The following SPATA31E1 variants were observed in gnomAD, a reference collection of about 807,000 sequenced individuals.
The protein encoded by SPATA31E1 is SPATA31 subfamily E member 1, also known as spermatogenesis-associated protein 31E1.
In SPATA31E1, 7 loss-of-function variants were observed where a neutral mutation model predicts 12.9. The ratio of observed to expected loss-of-function variants is 0.54; its 90% CI spans 0.31 to 1.02. SPATA31E1 has a LOEUF of 1.02. Ranked by LOEUF, SPATA31E1 falls within the 50% of genes least tolerant of loss-of-function variation. SPATA31E1 has a pLI of 0.05. For synonymous variants in SPATA31E1, 771 were observed against 719.0 expected (o/e 1.07, Z -1.16); for missense variants, 1,961 against 1,799.8 (o/e 1.09, Z -1.62).
At chr9:87,884,504 G>T (rs1828226869) in intron 2 of SPATA31E1, 87 bp from the exon 3 acceptor site, 4 of 1,387,468 alleles carry the variant, frequency 2.9e-6, no homozygotes, top group Non-Finnish European at 3.1e-6. Context: ...AGTCCCCCAT[G>T]GTGTCCCCTA....
In SPATA31E1 at chr9:87,885,668, T is replaced by G. The variant is rs755642872; in HGVS notation, c.1181T>G (p.Leu394Arg). 5.0e-6 allele frequency: 8 copies of G among 1,613,590 alleles called. No homozygotes were observed. Among genetic ancestry groups the G allele is most frequent in the South Asian group, 1.1e-5 (1 of 91,078 alleles). ...GCCGACCACCCGCACATGACATCAC[T>G]GGGGAAGGAGTGGGACATCACGACC... The part of the protein sequence containing the change: ...KRADHPHMTS[L>R]GKEWDITTLN... The change falls in exon 4 of 4, where the codon CTG (leucine) becomes CGG (arginine). Residue 394 changes from leucine (L) to arginine (R), a missense_variant. Transcript: ENST00000325643.
In SPATA31E1 at chr9:87,885,760, G is replaced by A; in HGVS notation, c.1273G>A (p.Ala425Thr). Reference protein sequence around the residue: ...QLPRPQQVSDATTVGNHLQQK... With the variant: ...QLPRPQQVSDTTTVGNHLQQK... The stretch of plus-strand genomic sequence containing the variant: ...GCCCCGTCCTCAGCAAGTCTCTGAT[G>A]CCACAACCGTGGGGAACCACTTACA... Residue 425 changes from alanine to threonine, a missense_variant, in exon 4 of 4, where the codon GCC becomes ACC. Transcript: ENST00000325643. The A allele has an allele frequency of 5.6e-6, 9 of 1,613,998 alleles. No homozygotes were observed. The highest frequency in any genetic ancestry group is 7.6e-6 in the Non-Finnish European group (9 of 1,180,040).
In SPATA31E1 at chr9:87,882,929, C is replaced by G; in HGVS notation, c.38C>G (p.Ala13Gly). The G allele has an allele frequency of 6.2e-7, 1 of 1,613,022 alleles. No individual in the cohort carries two copies. The highest frequency in any genetic ancestry group is 2.2e-5 in the East Asian group (1 of 44,858). The change falls in exon 1 of 4, where the codon GCA (alanine) becomes GGA (glycine). Residue 13 changes from alanine to glycine, a missense_variant. By Grantham distance (60) the Ala-to-Gly change is moderately conservative. Coordinates refer to ENST00000325643, the MANE Select transcript of SPATA31E1 (RefSeq NM_178828.5). Reference protein sequence around the residue: ...NLVIPLGKGRAGRVESGQRIP... With the variant: ...NLVIPLGKGRGGRVESGQRIP... ...GTCATCCCTCTAGGGAAGGGCAGGG[C>G]AGGCAGGGTTGAGAGTGGGCAGAGG...
At position 87,883,041 on chromosome 9, in the gene SPATA31E1, G is replaced by C; in HGVS notation, c.150G>C (p.Lys50Asn). Residue 50 changes from lysine (K) to asparagine (N), a missense_variant, in exon 1 of 4, where the codon AAG becomes AAC. Physicochemically the swap from Lys to Asn is moderately conservative, Grantham distance 94. Transcript: ENST00000325643. Reference sequence around the variant, plus strand: ...TGGAGAAAATGCTCTTTCCTCTGAAGAGCCCTAGTGCCACATGGCTGAGCC... The same window carrying C: ...TGGAGAAAATGCTCTTTCCTCTGAACAGCCCTAGTGCCACATGGCTGAGCC... The part of the protein sequence containing the change: ...LQMEKMLFPL[K>N]SPSATWLSPS... The C allele has an allele frequency of 6.2e-7, 1 of 1,613,722 alleles. No homozygotes were observed.
rs1828267030 is a variant in SPATA31E1, at chr9:87,886,134, C to T, written c.1647C>T (p.Tyr549=). The change falls in exon 4 of 4, where the codon TAC becomes TAT. Residue 549 remains tyrosine (Y), a synonymous_variant. Coordinates refer to ENST00000325643, the MANE Select transcript of SPATA31E1 (RefSeq NM_178828.5). The part of the protein sequence containing the change: ...PPQIRGCGAS[Y]PTSQERTQSV... Reference sequence around the variant, plus strand: ...AGATTAGGGGCTGTGGGGCATCTTACCCTACATCCCAGGAGAGGACACAGT... The same window carrying T: ...AGATTAGGGGCTGTGGGGCATCTTATCCTACATCCCAGGAGAGGACACAGT... The T allele has an allele frequency of 1.9e-6, 3 of 1,602,984 alleles. No homozygotes were observed. The highest frequency in any genetic ancestry group is 2.6e-6 in the Non-Finnish European group (3 of 1,173,452).
Position 87,885,073 on chromosome 9 carries a change from G to A in SPATA31E1, c.586G>A (p.Ala196Thr). 6.2e-7 allele frequency: 1 copy of A among 1,614,106 alleles called. No homozygotes were observed. Among genetic ancestry groups the A allele is most frequent in the South Asian group, 1.1e-5 (1 of 91,084 alleles). ...CAGCTTGTCCCCACCAGCTCCCCCA[G>A]CTCCTCTGGCCTCCACCCTGTCACC... Reference protein sequence around the residue: ...PASLSPPAPPAPLASTLSPGP... With the variant: ...PASLSPPAPPTPLASTLSPGP... The change falls in exon 4 of 4, where the codon GCT (alanine) becomes ACT (threonine). Residue 196 changes from alanine (A) to threonine (T), a missense_variant. Transcript: ENST00000325643.
Position 87,885,620 on chromosome 9 carries a change from G to C in SPATA31E1, c.1133G>C (p.Trp378Ser). The C allele has an allele frequency of 6.2e-7, 1 of 1,614,064 alleles. No homozygotes were observed. The highest frequency in any genetic ancestry group is 8.5e-7 in the Non-Finnish European group (1 of 1,180,032). ...LIAKRALMKM[W>S]QEKERKRADH... ...GCCAAGAGAGCACTGATGAAGATGTGGCAGGAGAAAGAAAGAAAACGGGCC... is the reference window on the plus strand; with the variant it reads ...GCCAAGAGAGCACTGATGAAGATGTCGCAGGAGAAAGAAAGAAAACGGGCC... Residue 378 changes from tryptophan (W) to serine (S), a missense_variant, in exon 4 of 4, where the codon TGG becomes TCG. Coordinates refer to ENST00000325643, the MANE Select transcript of SPATA31E1 (RefSeq NM_178828.5).
At position 87,888,010 on chromosome 9, in the gene SPATA31E1, G is replaced by A. The variant is rs200523037; in HGVS notation, c.3523G>A (p.Gly1175Arg). The A allele has an allele frequency of 5.6e-6, 9 of 1,613,144 alleles. No individual in the cohort carries two copies. Among genetic ancestry groups the A allele is most frequent in the Admixed American group, 5.0e-5 (3 of 59,976 alleles). ...GCCATGTGCCCTCCTATGGAAGGGAGGGGACAGTCCAGGGCAGCAGGAGCC... is the reference window on the plus strand; with the variant it reads ...GCCATGTGCCCTCCTATGGAAGGGAAGGGACAGTCCAGGGCAGCAGGAGCC... Reference protein sequence around the residue: ...QGPCALLWKGGDSPGQQEPGS... With the variant: ...QGPCALLWKGRDSPGQQEPGS... Residue 1175 changes from glycine (G) to arginine (R), a missense_variant, in exon 4 of 4, where the codon GGG (glycine) becomes AGG (arginine). Physicochemically the swap from Gly to Arg is moderately radical, Grantham distance 125 (BLOSUM62 -2). Transcript: ENST00000325643.
At chr9:87,884,292 T>C (rs968030451) in intron 2 of SPATA31E1, among the ~76,000 whole-genome samples, 1 of 152,210 alleles carries the variant, frequency 6.6e-6, no homozygotes, top group South Asian at 2.1e-4. Context: ...TCCAGGTCCA[T>C]GTGGACAGCT....
rs758158604 is a variant in SPATA31E1, at chr9:87,885,594, C to T, written c.1107C>T (p.Ile369=). The T allele has an allele frequency of 1.4e-5, 22 of 1,613,980 alleles. No individual in the cohort carries two copies. In the Middle Eastern group the frequency reaches 8.2e-4, roughly 60 times the overall value. ...TGCAGAAGCTGCTGGAGACCCTCAT[C>T]GCCAAGAGAGCACTGATGAAGATGT... ...PDVQKLLETL[I]AKRALMKMWQ... The change falls in exon 4 of 4, where the codon ATC becomes ATT. Residue 369 remains isoleucine, a synonymous_variant. Coordinates refer to ENST00000325643, the MANE Select transcript of SPATA31E1 (RefSeq NM_178828.5).
At position 87,884,015 on chromosome 9, in the gene SPATA31E1, G is replaced by A. The variant is rs1267584097; in HGVS notation, c.333G>A (p.Arg111=). The part of the protein sequence containing the change: ...SREPQRERSG[R]SRSRKISALK... Reference sequence around the variant, plus strand: ...AGCCTCAAAGGGAGAGAAGCGGGAGGTCCAGGAGCAGGAAGATCTCAGCTC... The same window carrying A: ...AGCCTCAAAGGGAGAGAAGCGGGAGATCCAGGAGCAGGAAGATCTCAGCTC... The change falls in exon 2 of 4, where the codon AGG becomes AGA. Residue 111 remains arginine (R), a synonymous_variant. Coordinates refer to ENST00000325643, the MANE Select transcript of SPATA31E1 (RefSeq NM_178828.5). 1 of 1,607,676 alleles carries A rather than the reference G, an allele frequency of 6.2e-7. No individual in the cohort carries two copies. Among genetic ancestry groups the A allele is most frequent in the Non-Finnish European group, 8.5e-7 (1 of 1,176,624 alleles).
rs148991923 is a variant in SPATA31E1, at chr9:87,887,668, C to A, written c.3181C>A (p.Gln1061Lys). 6.2e-7 allele frequency: 1 copy of A among 1,614,142 alleles called. No homozygotes were observed. The highest frequency in any genetic ancestry group is 8.5e-7 in the Non-Finnish European group (1 of 1,180,022). ...ASVRASSGSVQEDLRSTGALG... is the reference protein window; with the variant it reads ...ASVRASSGSVKEDLRSTGALG... Reference sequence around the variant, plus strand: ...TGTGAGGGCAAGTTCGGGAAGTGTTCAGGAGGATCTGAGGAGCACAGGGGC... The same window carrying A: ...TGTGAGGGCAAGTTCGGGAAGTGTTAAGGAGGATCTGAGGAGCACAGGGGC... Residue 1061 changes from glutamine (Q) to lysine (K), a missense_variant, in exon 4 of 4, where the codon CAG becomes AAG. Gln to Lys is a moderately conservative substitution (Grantham distance 53, BLOSUM62 1). Coordinates refer to ENST00000325643, the MANE Select transcript of SPATA31E1 (RefSeq NM_178828.5).
chr9:87,887,545 C>G lies in SPATA31E1; in HGVS notation c.3058C>G (p.Leu1020Val), dbSNP rs1432750526. The change falls in exon 4 of 4, where the codon CTC (leucine) becomes GTC (valine). Residue 1020 changes from leucine to valine, a missense_variant. Transcript: ENST00000325643. ...CTGTAGTAGCAGAGCCCTGCAAGTGCTCAGCATAGGGTCCCAGTGGGCAAG... is the reference window on the plus strand; with the variant it reads ...CTGTAGTAGCAGAGCCCTGCAAGTGGTCAGCATAGGGTCCCAGTGGGCAAG... ...DPCSSRALQV[L>V]SIGSQWARAE... 3.1e-6 allele frequency: 5 copies of G among 1,614,110 alleles called. No individual in the cohort carries two copies. Among genetic ancestry groups the G allele is most frequent in the Non-Finnish European group, 4.2e-6 (5 of 1,180,036 alleles).
chr9:87,886,890 CCA>C lies in SPATA31E1; in HGVS notation c.2406_2407del (p.His802GlnfsTer62). The C allele has an allele frequency of 1.2e-6, 2 of 1,614,108 alleles. No individual in the cohort carries two copies. The highest frequency in any genetic ancestry group is 1.7e-6 in the Non-Finnish European group (2 of 1,180,026). Reference sequence around the variant, plus strand: ...AATGTGCTGTTCCCAAGTCTGACACCCACAGGAAACCTGGGAAGCTGGCATCC... The same window carrying C: ...AATGTGCTGTTCCCAAGTCTGACACCCAGGAAACCTGGGAAGCTGGCATCC... ...AKCAVPKSDT[H>X]RKPGKLASWR... On this transcript the variant is annotated frameshift_variant, in exon 4 of 4. Transcript: ENST00000325643. LOFTEE classifies it low-confidence loss of function (END_TRUNC).
Position 87,885,633 on chromosome 9 carries a change from A to G in SPATA31E1, c.1146A>G (p.Glu382=). ...TGATGAAGATGTGGCAGGAGAAAGA[A>G]AGAAAACGGGCCGACCACCCGCACA... ...RALMKMWQEK[E]RKRADHPHMT... is the part of the protein sequence containing the mutation. Residue 382 remains glutamate (E), a synonymous_variant, in exon 4 of 4, where the codon GAA becomes GAG. Transcript: ENST00000325643. 3.7e-6 allele frequency: 6 copies of G among 1,613,942 alleles called. No individual in the cohort carries two copies. Among genetic ancestry groups the G allele is most frequent in the Non-Finnish European group, 5.1e-6 (6 of 1,180,022 alleles).
In SPATA31E1 at chr9:87,884,033, C is replaced by T. The variant is rs1206751712; in HGVS notation, c.351C>T (p.Ile117=). Residue 117 remains isoleucine (I), a synonymous_variant, in exon 2 of 4, where the codon ATC becomes ATT. Coordinates refer to ENST00000325643, the MANE Select transcript of SPATA31E1 (RefSeq NM_178828.5). ...GCGGGAGGTCCAGGAGCAGGAAGAT[C>T]TCAGCTCTGAAAGGTGAGGCTCTGC... ...ERSGRSRSRK[I]SALKACRILL... is the part of the protein sequence containing the mutation. 6.2e-7 allele frequency: 1 copy of T among 1,605,048 alleles called. No homozygotes were observed. Among genetic ancestry groups the T allele is most frequent in the Non-Finnish European group, 8.5e-7 (1 of 1,175,102 alleles).
chr9:87,883,169 C>T lies in SPATA31E1; in HGVS notation c.278C>T (p.Pro93Leu). 1 of 1,584,378 alleles carries T rather than the reference C, an allele frequency of 6.3e-7. No individual in the cohort carries two copies. Among genetic ancestry groups the T allele is most frequent in the Non-Finnish European group, 8.6e-7 (1 of 1,161,690 alleles). The change falls in exon 1 of 4, where the codon CCC becomes CTC. Residue 93 changes from proline (P) to leucine (L), a missense_variant. Physicochemically the swap from Pro to Leu is moderately conservative, Grantham distance 98. Transcript: ENST00000325643. The stretch of plus-strand genomic sequence containing the variant: ...TACGTCCACAGTGACCCACCCTCAC[C>T]CCCGCCCGGGAGGAAGAGGAGCAGC... ...LLYVHSDPPSPPPGRKRSSRE... is the reference protein window; with the variant it reads ...LLYVHSDPPSLPPGRKRSSRE...
At position 87,887,521 on chromosome 9, in the gene SPATA31E1, T is replaced by C. The variant is rs1197349632; in HGVS notation, c.3034T>C (p.Cys1012Arg). The C allele has an allele frequency of 6.2e-7, 1 of 1,613,940 alleles. No individual in the cohort carries two copies. The highest frequency in any genetic ancestry group is 8.5e-7 in the Non-Finnish European group (1 of 1,180,008). Residue 1012 changes from cysteine to arginine, a missense_variant, in exon 4 of 4, where the codon TGT (cysteine) becomes CGT (arginine). Coordinates refer to ENST00000325643, the MANE Select transcript of SPATA31E1 (RefSeq NM_178828.5). ...TGAGAGCATGTCCCCAGGAGACCCCTGTAGTAGCAGAGCCCTGCAAGTGCT... is the reference window on the plus strand; with the variant it reads ...TGAGAGCATGTCCCCAGGAGACCCCCGTAGTAGCAGAGCCCTGCAAGTGCT... ...ESESMSPGDP[C>R]SSRALQVLSI...
rs781711670 is a variant in SPATA31E1 at position 87,887,164 on chromosome 9, A to C, written c.2677A>C (p.Ile893Leu). Residue 893 changes from isoleucine to leucine, a missense_variant, in exon 4 of 4, where the codon ATT (isoleucine) becomes CTT (leucine). By Grantham distance (5) the Ile-to-Leu change is conservative (BLOSUM62 2). Transcript: ENST00000325643. ...GGTTGAATCTGTACCCAAGGTTCCC[A>C]TTTTCCTGGGAAAACGTCCTCAGAA... The part of the protein sequence containing the change: ...SRVESVPKVP[I>L]FLGKRPQNGP... The C allele has an allele frequency of 1.2e-6, 2 of 1,613,932 alleles. No individual in the cohort carries two copies. Among genetic ancestry groups the C allele is most frequent in the Admixed American group, 3.3e-5 (2 of 60,002 alleles).
Sources: gnomAD v4.1 joint callset for allele counts (sites outside exome capture counted in the v4.1 genomes callset) on GRCh38, gnomAD v4.1.1 for gene constraint, MANE v1.5 for transcripts, NCBI Gene and HGNC (gene_info 2026-07-23, HGNC 2026-07-21) for gene names.